The following LHFPL3 variants were observed in gnomAD, a reference collection of about 807,000 sequenced individuals.
The protein encoded by LHFPL3 is LHFPL tetraspan subfamily member 3.
LHFPL3 carries 5 observed loss-of-function variants against 19.3 expected under a neutral mutation model. The observed-to-expected ratio is 0.26, with a 90% CI of 0.14 to 0.54. The LOEUF is 0.54. Ranked by LOEUF, LHFPL3 falls within the 20% of genes least tolerant of loss-of-function variation. The pLI is 0.94. For synonymous variants in LHFPL3, 133 were observed against 126.2 expected (o/e 1.05, Z -0.36); for missense variants, 249 against 307.4 (o/e 0.81, Z 1.42).
At chr7:104,442,244 CTTT>C (rs34028727) in intron 1 of LHFPL3, among the ~76,000 whole-genome samples, 5 of 148,914 alleles carry the variant, frequency 3.4e-5, no homozygotes, top group Non-Finnish European at 7.5e-5. Flanking sequence ...AAAATCTGGT[CTTT>C]TTTTTTTTGC....
At chr7:104,690,128 C>A (rs1792881374) in intron 1 of LHFPL3, among the ~76,000 whole-genome samples, 1 of 152,276 alleles carries the variant, frequency 6.6e-6, no homozygotes, top group Admixed American at 6.5e-5. Flanking sequence ...CCATTCAACT[C>A]TCCTATTTGG....
At chr7:104,784,085 C>T (rs957012299) in intron 2 of LHFPL3, among the ~76,000 whole-genome samples, 6 of 152,198 alleles carry the variant, frequency 3.9e-5, no homozygotes, top group African/African-American at 1.4e-4. Flanking sequence ...CTTCTATTTT[C>T]TGCATAGAGA....
At chr7:104,751,343 C>T (rs199904667) in intron 2 of LHFPL3, among the ~76,000 whole-genome samples, 30 of 138,454 alleles carry the variant, frequency 2.2e-4, no homozygotes, top group South Asian at 7.5e-4. Context: ...CTCTTTTGAA[C>T]CTTGTCTTAC....
chr7:104,471,165 G>T (rs1792900627), intron 1 of LHFPL3, among the ~76,000 whole-genome samples: 1 of 152,086 alleles, frequency 6.6e-6, no homozygotes, highest in Non-Finnish European at 1.5e-5. Flanking sequence ...GTGTGTATTT[G>T]TTTTTGGTAT....
At chr7:104,654,872 C>A (rs1401444006) in intron 1 of LHFPL3, among the ~76,000 whole-genome samples, 1 of 152,198 alleles carries the variant, frequency 6.6e-6, no homozygotes, top group East Asian at 1.9e-4. Context: ...ACACCATGTA[C>A]AAACCAAGCC....
At chr7:104,537,674 A>G (rs1389277061) in intron 1 of LHFPL3, among the ~76,000 whole-genome samples, 4 of 152,188 alleles carry the variant, frequency 2.6e-5, no homozygotes, top group Non-Finnish European at 5.9e-5. Flanking sequence ...GCATGGATAA[A>G]GTTATTGGGT....
At chr7:104,437,921 A>G (rs1302888839) in intron 1 of LHFPL3, among the ~76,000 whole-genome samples, 1 of 152,176 alleles carries the variant, frequency 6.6e-6, no homozygotes, top group Non-Finnish European at 1.5e-5. Flanking sequence ...TTCTCAGAGC[A>G]TGAGGGATGG....
intron 1 of LHFPL3, among the ~76,000 whole-genome samples, chr7:104,607,584 T>C (rs1254226351): frequency 6.6e-6 from 1 of 152,130 alleles, no homozygotes; most frequent in East Asian, 1.9e-4. Context: ...AGGGGTGCCA[T>C]GGGCAAGGAC....
At chr7:104,800,597 C>T (rs775564917) in intron 2 of LHFPL3, among the ~76,000 whole-genome samples, 6 of 152,142 alleles carry the variant, frequency 3.9e-5, no homozygotes, top group African/African-American at 1.2e-4. Context: ...TACTTAGATA[C>T]CTCAAAGTCA....
intron 2 of LHFPL3, among the ~76,000 whole-genome samples, chr7:104,828,908 G>A (rs895932843): frequency 6.6e-5 from 10 of 151,904 alleles, no homozygotes; most frequent in Non-Finnish European, 8.8e-5. Flanking sequence ...GATGGTGCAC[G>A]CCTGTAATCC....
intron 1 of LHFPL3, among the ~76,000 whole-genome samples, chr7:104,605,452 G>A (rs151136226): frequency 3.1e-4 from 47 of 152,202 alleles, no homozygotes; most frequent in African/African-American, 9.4e-4. Context: ...AAAATCATAC[G>A]CATTCATATT....
intron 1 of LHFPL3, among the ~76,000 whole-genome samples, chr7:104,544,806 C>G (rs904051338): frequency 6.6e-6 from 1 of 152,102 alleles, no homozygotes; most frequent in East Asian, 1.9e-4. Flanking sequence ...TTCAAAATCA[C>G]AAGTCCTTTT....
At chr7:104,483,895 G>A (rs1284062347) in intron 1 of LHFPL3, among the ~76,000 whole-genome samples, 5 of 152,132 alleles carry the variant, frequency 3.3e-5, no homozygotes, top group Non-Finnish European at 7.3e-5. Flanking sequence ...AAAGTGTTGG[G>A]ATTACAGGTA....
At chr7:104,388,793 G>C (rs1791000674) in intron 1 of LHFPL3, among the ~76,000 whole-genome samples, 2 of 151,296 alleles carry the variant, frequency 1.3e-5, no homozygotes, top group Admixed American at 6.6e-5. Flanking sequence ...TTTCATAGAT[G>C]CAGGAATAGC....
At chr7:104,737,784 C>T (rs1180490103) in intron 2 of LHFPL3, among the ~76,000 whole-genome samples, 1 of 152,082 alleles carries the variant, frequency 6.6e-6, no homozygotes, top group Non-Finnish European at 1.5e-5. Flanking sequence ...CTGAGTGGCT[C>T]CTTCTTCTAG....
chr7:104,508,967 G>C (rs980485454), intron 1 of LHFPL3, among the ~76,000 whole-genome samples: 1 of 151,840 alleles, frequency 6.6e-6, no homozygotes, highest in Admixed American at 6.6e-5. Context: ...AGTATACAAT[G>C]AACAACTCTA....
intron 1 of LHFPL3, among the ~76,000 whole-genome samples, chr7:104,638,024 A>G (rs1225993903): frequency 6.6e-6 from 1 of 152,082 alleles, no homozygotes; most frequent in East Asian, 1.9e-4. Flanking sequence ...ATTCATGAGC[A>G]TGGTATGTTT....
intron 2 of LHFPL3, among the ~76,000 whole-genome samples, chr7:104,750,518 C>T (rs1794143297): frequency 6.6e-6 from 1 of 152,268 alleles, no homozygotes; most frequent in Non-Finnish European, 1.5e-5. Flanking sequence ...TAGTCTGAAT[C>T]AACCACACCA....
chr7:104,753,531 TA>T (rs1374391020), intron 2 of LHFPL3, among the ~76,000 whole-genome samples: 3 of 152,092 alleles, frequency 2.0e-5, no homozygotes, highest in Non-Finnish European at 4.4e-5. Context: ...AAACAAAACT[TA>T]AAAGGCACAA....
Sources: gnomAD v4.1 joint callset for allele counts (sites outside exome capture counted in the v4.1 genomes callset) on GRCh38, gnomAD v4.1.1 for gene constraint, MANE v1.5 for transcripts, NCBI Gene and HGNC (gene_info 2026-07-23, HGNC 2026-07-21) for gene names.